The following ZNF254 variants were observed in gnomAD, a reference collection of about 807,000 sequenced individuals.
The protein encoded by ZNF254 is zinc finger protein 254.
Under a neutral mutation model 12.4 loss-of-function variants are expected in ZNF254, and 10 were observed. The ratio of observed to expected loss-of-function variants is 0.80; its 90% CI spans 0.50 to 1.36. ZNF254 has a LOEUF of 1.36. Among genes scored for constraint, ZNF254 ranks in the 40% most tolerant of loss-of-function variants. The pLI, the probability that ZNF254 is intolerant of heterozygous loss-of-function variation, is 0.00. For missense variants in ZNF254, 996 were observed against 763.9 expected (o/e 1.30, Z -3.58); for synonymous variants, 305 against 253.4 (o/e 1.20, Z -1.93).
chr19:24,115,486 G>A (rs920781727), intron 3 of ZNF254, among the ~76,000 whole-genome samples: 14 of 150,116 alleles, frequency 9.3e-5, no homozygotes, highest in South Asian at 2.1e-4. Context: ...AGAACACATG[G>A]ACACAGGAAG....
intron 1 of ZNF254, among the ~76,000 whole-genome samples, chr19:24,037,327 C>G (rs973013167): frequency 1.3e-5 from 2 of 152,176 alleles, no homozygotes; most frequent in African/African-American, 4.8e-5. Context: ...ACCTGGCTGT[C>G]ATAAGAACAG....
chr19:24,084,440 A>G (rs909561883), upstream of ZNF254, among the ~76,000 whole-genome samples: 1 of 151,934 alleles, frequency 6.6e-6, no homozygotes, highest in African/African-American at 2.4e-5. Flanking sequence ...AAAAGACTAC[A>G]TATTGGGTAC....
intron 3 of ZNF254, among the ~76,000 whole-genome samples, chr19:24,107,687 G>A (rs1012695415): frequency 2.0e-5 from 3 of 151,842 alleles, no homozygotes; most frequent in Non-Finnish European, 4.4e-5. Flanking sequence ...TGACTATTTT[G>A]TCTTCCACAT....
intron 2 of ZNF254, among the ~76,000 whole-genome samples, chr19:24,063,558 A>T (rs1359325463): frequency 6.6e-6 from 1 of 152,184 alleles, no homozygotes; most frequent in Non-Finnish European, 1.5e-5. Flanking sequence ...CGACCAGGTG[A>T]TGTAACACTT....
Position 24,122,471 on chromosome 19 carries a change from C to T in ZNF254, c.254-3783C>T, listed in dbSNP as rs115516385. On this transcript the variant is annotated intron_variant, in intron 3 of 3. Coordinates refer to ENST00000357002, the MANE Select transcript of ZNF254 (RefSeq NM_203282.4). ...AACTCCTGACCTTAGGTGATCCACCCGCTTGGGTCTCTCAAAGTGCTCAGA... is the reference window on the plus strand; with the variant it reads ...AACTCCTGACCTTAGGTGATCCACCTGCTTGGGTCTCTCAAAGTGCTCAGA... 1.4e-3 allele frequency among the ~76,000 whole-genome samples: 209 copies of T among 152,220 alleles called. 2 individuals carry two copies. Among genetic ancestry groups the T allele is most frequent in the African/African-American group, 4.8e-3 (198 of 41,530 alleles).
At chr19:24,116,378 G>A (rs1379878935) in intron 3 of ZNF254, among the ~76,000 whole-genome samples, 2 of 151,994 alleles carry the variant, frequency 1.3e-5, no homozygotes, top group African/African-American at 4.8e-5. Flanking sequence ...CATATTTCTT[G>A]GAGGCTTTTT....
Position 24,096,502 on chromosome 19 carries a change from G to A in ZNF254, c.30+9165G>A, listed in dbSNP as rs956005608. 2.0e-5 allele frequency among the ~76,000 whole-genome samples: 3 copies of A among 152,000 alleles called. No individual in the cohort carries two copies. The East Asian group carries it at 5.8e-4, about 29-fold the overall frequency. On this transcript the variant is annotated intron_variant, in intron 1 of 3. Transcript: ENST00000357002. ...TTTATTTTTATTGAACTATATTTCT[G>A]TTCAGCTGTGGTCTATGTGTTTGTT...
intron 1 of ZNF254, among the ~76,000 whole-genome samples, chr19:24,100,999 G>A (rs1972991566): frequency 6.6e-6 from 1 of 151,888 alleles, no homozygotes; most frequent in African/African-American, 2.4e-5. Flanking sequence ...GGCTAATTTT[G>A]TATTTTTAGT....
At chr19:24,113,792 T>C (rs1767455956) in intron 3 of ZNF254, among the ~76,000 whole-genome samples, 1 of 152,304 alleles carries the variant, frequency 6.6e-6, no homozygotes, top group Admixed American at 6.5e-5. Flanking sequence ...AACCCCATTG[T>C]CTCAACCCAA....
intron 3 of ZNF254, among the ~76,000 whole-genome samples, chr19:24,108,307 A>T (rs1261364450): frequency 1.3e-5 from 2 of 152,180 alleles, no homozygotes; most frequent in Non-Finnish European, 2.9e-5. Context: ...AGAGTTTGGG[A>T]TGTTTACAGA....
chr19:24,065,511 G>GT (rs1971237006), intron 2 of ZNF254: 1 of 152,138 alleles, frequency 6.6e-6, no homozygotes, highest in South Asian at 2.1e-4. Flanking sequence ...GTAATGGTGT[G>GT]GTGACTCTCA....
chr19:24,119,488 G>A (rs916878104), intron 3 of ZNF254, among the ~76,000 whole-genome samples: 2 of 151,880 alleles, frequency 1.3e-5, no homozygotes, highest in African/African-American at 4.8e-5. Flanking sequence ...CACCATTCCT[G>A]GCCTTATTTG....
At chr19:24,091,835 T>C in intron 1 of ZNF254, 1 of 983,860 alleles carries the variant, frequency 1.0e-6, no homozygotes, top group Non-Finnish European at 1.2e-6. Context: ...TGCTAAATTT[T>C]ATGTGATGAA....
chr19:24,083,233 C>CT (rs562408889), upstream of ZNF254, among the ~76,000 whole-genome samples: 745 of 152,114 alleles, frequency 4.9e-3, 6 homozygotes, highest in African/African-American at 0.017. Flanking sequence ...AAAAATAATA[C>CT]TAATAATTAG....
chr19:24,125,392 T>A (rs1393910822), intron 3 of ZNF254, among the ~76,000 whole-genome samples: 2 of 151,966 alleles, frequency 1.3e-5, no homozygotes, highest in African/African-American at 4.8e-5. Flanking sequence ...TATTACCAAT[T>A]ATTAAAATTA....
rs576576277 is a variant in ZNF254 at position 24,123,627 on chromosome 19, T to TAC, written c.254-2613_254-2612dup. Among the ~76,000 whole-genome samples, 56 of 151,586 alleles carry TAC rather than the reference T, an allele frequency of 3.7e-4. No homozygotes were observed. The East Asian group carries it at 4.3e-3, about 12-fold the overall frequency. On this transcript the variant is annotated intron_variant, in intron 3 of 3. Coordinates refer to ENST00000357002, the MANE Select transcript of ZNF254 (RefSeq NM_203282.4). Reference sequence around the variant, plus strand: ...ACACCTGCGTGCGTGCACAAACACATACACACACACACACAAATATACACA... The same window carrying TAC: ...ACACCTGCGTGCGTGCACAAACACATACACACACACACACACAAATATACACA...
intron 3 of ZNF254, among the ~76,000 whole-genome samples, chr19:24,111,652 GT>G (rs1973689801): frequency 6.6e-6 from 1 of 152,192 alleles, no homozygotes. Context: ...ATTCTAACTG[GT>G]GTGAAATGGT....
intron 2 of ZNF254, among the ~76,000 whole-genome samples, chr19:24,077,951 G>C (rs139287370): frequency 7.3e-4 from 111 of 152,322 alleles, no homozygotes; most frequent in African/African-American, 2.5e-3. Flanking sequence ...AAAAGAGCTT[G>C]GAACAGTCTC....
At chr19:24,090,104 A>G (rs907127082) in intron 1 of ZNF254, among the ~76,000 whole-genome samples, 6 of 151,500 alleles carry the variant, frequency 4.0e-5, no homozygotes, top group Non-Finnish European at 8.8e-5. Context: ...AGGCTAAGGC[A>G]GGAGAATCAG....
Sources: allele counts gnomAD v4.1 joint callset (sites outside exome capture counted in the v4.1 genomes callset), GRCh38; gene constraint gnomAD v4.1.1; transcripts MANE v1.5; gene names NCBI Gene and HGNC (gene_info 2026-07-23, HGNC 2026-07-21).